Variants in DNAH17 observed in about 807,000 individuals in gnomAD.
DNAH17 encodes the protein axonemal beta dynein heavy chain 17.
In DNAH17, 376 loss-of-function variants were observed where a neutral mutation model predicts 485.6. The observed-to-expected ratio is 0.77, with a 90% CI of 0.71 to 0.84. The LOEUF is 0.84. Among genes scored for constraint, DNAH17 ranks in the 40% least tolerant of loss-of-function variants. The pLI is 0.00. For missense variants in DNAH17, 6,370 were observed against 5,839.3 expected, an observed-to-expected ratio of 1.09 and a Z score of -2.96; for synonymous variants, 3,031 against 2,405.9, an observed-to-expected ratio of 1.26 and a Z score of -7.60.
At chr17:78,472,606 A>T in intron 54 of DNAH17, 4 of 381,116 alleles carry the variant, frequency 1.0e-5, no homozygotes, top group South Asian at 7.0e-5. Context: ...AAAACTCCCC[A>T]CCGCCTGGCC....
intron 18 of DNAH17, among the ~76,000 whole-genome samples, chr17:78,538,192 G>C (rs868516842): frequency 1.3e-5 from 2 of 150,516 alleles, no homozygotes; most frequent in South Asian, 2.1e-4. Context: ...CATTGTTCTG[G>C]GTTACTACAG....
intron 38 of DNAH17, 92 bp from the exon 39 acceptor site, chr17:78,495,189 C>G: frequency 7.0e-7 from 1 of 1,434,144 alleles, no homozygotes; most frequent in South Asian, 1.4e-5. Flanking sequence ...GAGCACACCT[C>G]GACTGCCAGG....
rs188594919 is a variant in DNAH17, at chr17:78,519,396, T to C, written c.3865-4374A>G. On this transcript the variant is annotated intron_variant, in intron 25 of 80. Coordinates refer to ENST00000389840, the MANE Select transcript of DNAH17 (RefSeq NM_173628.4). Reference sequence around the variant, plus strand: ...AATCCAAGTTTCTACCTCAATAAACTAGAAAATGAGCAAGATAAACCCAAA... The same window carrying C: ...AATCCAAGTTTCTACCTCAATAAACCAGAAAATGAGCAAGATAAACCCAAA... Among the ~76,000 whole-genome samples the C allele has an allele frequency of 2.6e-5, 4 of 152,002 alleles. 1 individual carries two copies. The highest frequency in any genetic ancestry group is 2.6e-4 in the Admixed American group (4 of 15,254).
Position 78,570,053 on chromosome 17 carries a change from G to A in DNAH17, c.1044+194C>T, listed in dbSNP as rs60858317. ...CCCGTCTTCCCTTTCTTTTCCCTCAGTACCCTCCCCTAGAAGAACTCTAGG... is the reference window on the plus strand; with the variant it reads ...CCCGTCTTCCCTTTCTTTTCCCTCAATACCCTCCCCTAGAAGAACTCTAGG... On this transcript the variant is annotated intron_variant, in intron 7 of 80. Coordinates refer to ENST00000389840, the MANE Select transcript of DNAH17 (RefSeq NM_173628.4). 0.043 allele frequency among the ~76,000 whole-genome samples: 6,561 copies of A among 152,250 alleles called. 308 individuals are homozygous for A. The highest frequency in any genetic ancestry group is 0.11 in the African/African-American group (4,714 of 41,536).
At chr17:78,500,195 C>T in intron 36 of DNAH17, 110 bp downstream of exon 36, 1 of 1,256,396 alleles carries the variant, frequency 8.0e-7, no homozygotes, top group Admixed American at 2.8e-5. Flanking sequence ...GTGCCATTCA[C>T]AGGTATCCAG....
intron 51 of DNAH17, among the ~76,000 whole-genome samples, chr17:78,477,431 T>A (rs751058128): frequency 6.6e-6 from 1 of 151,968 alleles, no homozygotes; most frequent in East Asian, 1.9e-4. Flanking sequence ...CAGGCTGGAG[T>A]GCAGTGGCAC....
At chr17:78,429,588 T>C (rs55814501) in intron 75 of DNAH17, among the ~76,000 whole-genome samples, 23,749 of 152,200 alleles carry the variant, frequency 0.16, 1,981 homozygotes, top group Middle Eastern at 0.19. Flanking sequence ...ACAGCCGGCA[T>C]GCTCTGCACC....
chr17:78,463,120 G>A lies in DNAH17; in HGVS notation c.8941-43C>T, dbSNP rs534168330. On this transcript the variant is annotated intron_variant, in intron 56 of 80. Transcript: ENST00000389840. ...CCAGTCATCCCTGGGACCCCATCCT[G>A]CAAATCAGCAAAGTGGGGCTCCCCA... 73 of 1,579,988 alleles carry A rather than the reference G, an allele frequency of 4.6e-5. No homozygotes were observed. The East Asian group carries it at 1.5e-3, about 33-fold the overall frequency.
rs2143760454 is a variant in DNAH17 at position 78,574,833 on chromosome 17, T to C, written c.225A>G (p.Lys75=). The change falls in exon 2 of 81, where the codon AAA becomes AAG. Residue 75 remains lysine, a synonymous_variant. Transcript: ENST00000389840. ...CLGFPQSLKS[K]GVYFIKTKSE... is the part of the protein sequence containing the mutation. ...ACTTTGTCTTGATGAAGTAAACCCC[T>C]TTGGACTTGAGGGACTGGGGGAAGC... 6.2e-7 allele frequency: 1 copy of C among 1,613,992 alleles called. No individual in the cohort carries two copies. The highest frequency in any genetic ancestry group is 8.5e-7 in the Non-Finnish European group (1 of 1,179,892).
chr17:78,489,828 A>AGGGTGAATGGAT (rs2089771226), intron 44 of DNAH17, among the ~76,000 whole-genome samples: 1 of 4,666 alleles, frequency 2.1e-4, no homozygotes, highest in African/African-American at 9.5e-4. Context: ...GGTGGGCGGG[A>AGGGTGAATGGAT]GGGTGAATGG....
chr17:78,447,256 G>A (rs999927849), intron 69 of DNAH17, among the ~76,000 whole-genome samples: 2 of 152,210 alleles, frequency 1.3e-5, no homozygotes, highest in Non-Finnish European at 2.9e-5. Context: ...TGCGATTAAT[G>A]CTGTTGTGAA....
intron 65 of DNAH17, 24 bp downstream of exon 65, chr17:78,453,319 G>T (rs1337834137): frequency 1.2e-6 from 2 of 1,610,250 alleles, no homozygotes; most frequent in African/African-American, 2.7e-5. Flanking sequence ...CCTGGCTCAA[G>T]CCACGGAGGC....
At chr17:78,482,070 C>CT (rs36105381) in intron 48 of DNAH17, among the ~76,000 whole-genome samples, 6,545 of 130,552 alleles carry the variant, frequency 0.05, 218 homozygotes, top group South Asian at 0.17. Flanking sequence ...ACACTAGTTA[C>CT]TTTTTTTTTT....
At chr17:78,443,047 C>G (rs540558601) in intron 71 of DNAH17, among the ~76,000 whole-genome samples, 1 of 152,196 alleles carries the variant, frequency 6.6e-6, no homozygotes, top group Non-Finnish European at 1.5e-5. Context: ...GAGGGATGAT[C>G]TGCGCTCATG....
chr17:78,483,934 T>C (rs2089464223), intron 48 of DNAH17, among the ~76,000 whole-genome samples: 3 of 151,308 alleles, frequency 2.0e-5, no homozygotes, highest in Admixed American at 2.0e-4. Flanking sequence ...CCTTCTCTAC[T>C]AAAAGTACAA....
intron 48 of DNAH17, among the ~76,000 whole-genome samples, chr17:78,482,453 C>T (rs1391832142): frequency 6.6e-6 from 1 of 152,112 alleles, no homozygotes; most frequent in Non-Finnish European, 1.5e-5. Flanking sequence ...TGTTTTCTTC[C>T]ATTCTTTTAT....
At position 78,485,993 on chromosome 17, in the gene DNAH17, G is replaced by C; in HGVS notation, c.7242C>G (p.Pro2414=). Residue 2414 remains proline, a synonymous_variant, in exon 46 of 81, where the codon CCC becomes CCG. Coordinates refer to ENST00000389840, the MANE Select transcript of DNAH17 (RefSeq NM_173628.4). ...KKFLPWTDKV[P]SFELDPDVPL... ...GGACATCGGGATCCAGCTCAAAGGA[G>C]GGCACTTTATCTGTCCAGGGCAGGA... 2 of 1,613,528 alleles carry C rather than the reference G, an allele frequency of 1.2e-6. No homozygotes were observed. Among genetic ancestry groups the C allele is most frequent in the South Asian group, 2.2e-5 (2 of 91,046 alleles).
intron 25 of DNAH17, among the ~76,000 whole-genome samples, chr17:78,518,743 C>T (rs1207043375): frequency 6.6e-6 from 1 of 152,164 alleles, no homozygotes; most frequent in African/African-American, 2.4e-5. Context: ...CAGACTATAT[C>T]CTGATCCATA....
chr17:78,441,206 G>A lies in DNAH17; in HGVS notation c.11529-7C>T. ...CTTTTCCTCCACGAAGTTCCTAGGG[G>A]TGGAGTGCATCAGAGGCAGCGGAAC... On this transcript the variant is annotated splice_polypyrimidine_tract_variant and splice_region_variant and intron_variant, in intron 71 of 80. Transcript: ENST00000389840. The A allele has an allele frequency of 6.2e-7, 1 of 1,613,686 alleles. No homozygotes were observed. Among genetic ancestry groups the A allele is most frequent in the Non-Finnish European group, 8.5e-7 (1 of 1,179,814 alleles).
Sources: gnomAD v4.1 joint callset for allele counts (sites outside exome capture counted in the v4.1 genomes callset) on GRCh38, gnomAD v4.1.1 for gene constraint, MANE v1.5 for transcripts, NCBI Gene and HGNC (gene_info 2026-07-23, HGNC 2026-07-21) for gene names.